KLF13: variants seen among roughly 807,000 people sequenced by gnomAD.
KLF13 encodes KLF transcription factor 13, also known as Krueppel-like factor 13.
In KLF13, 8 loss-of-function variants were observed where a neutral mutation model predicts 16.7. The ratio of observed to expected loss-of-function variants is 0.48; its 90% CI spans 0.28 to 0.87. KLF13 has a LOEUF of 0.87. Ranked by LOEUF, KLF13 falls within the 40% of genes least tolerant of loss-of-function variation. The pLI is 0.10. For synonymous variants in KLF13, 245 were observed against 208.4 expected (o/e 1.18, Z -1.51); for missense variants, 447 against 452.2 (o/e 0.99, Z 0.10).
chr15:31,420,407 C>A, intron 1 of KLF13: 2 of 1,127,240 alleles, frequency 1.8e-6, no homozygotes, highest in Non-Finnish European at 1.3e-6. Flanking sequence ...TTACAATGAG[C>A]CCACAGTGAA....
At chr15:31,345,868 G>A (rs758748989) in intron 1 of KLF13, among the ~76,000 whole-genome samples, 1 of 152,130 alleles carries the variant, frequency 6.6e-6, no homozygotes, top group South Asian at 2.1e-4. Flanking sequence ...ATGACCTTCT[G>A]GGGAGGGCTG....
At chr15:31,328,209 C>T (rs1400174962) in intron 1 of KLF13, among the ~76,000 whole-genome samples, 1 of 150,760 alleles carries the variant, frequency 6.6e-6, no homozygotes, top group Non-Finnish European at 1.5e-5. Flanking sequence ...TCCGGGGTCC[C>T]TCCTCGTTTC....
chr15:31,391,109 TG>T (rs1322401746), upstream of KLF13, among the ~76,000 whole-genome samples: 1 of 7,564 alleles, frequency 1.3e-4, no homozygotes, highest in African/African-American at 6.0e-4. Context: ...TGGGGGAGTG[TG>T]GGGGGGCTGT....
intron 1 of KLF13, chr15:31,420,632 C>A: frequency 5.0e-6 from 2 of 403,050 alleles, no homozygotes; most frequent in South Asian, 4.2e-5. Flanking sequence ...GAAACCTATT[C>A]AAAGCAGGTT....
intron 1 of KLF13, among the ~76,000 whole-genome samples, chr15:31,434,758 C>T (rs2040510100): frequency 6.6e-6 from 1 of 152,202 alleles, no homozygotes; most frequent in Admixed American, 6.5e-5. Flanking sequence ...GTGGATTGGG[C>T]AGCAGCCCAC....
intron 1 of KLF13, among the ~76,000 whole-genome samples, chr15:31,344,855 T>C (rs1425008073): frequency 2.0e-5 from 3 of 152,170 alleles, no homozygotes; most frequent in Admixed American, 2.0e-4. Flanking sequence ...GGATCCTCCC[T>C]GGGTCCCCCA....
At chr15:31,347,548 TCTGCCTTG>T (rs2039143538) in intron 1 of KLF13, among the ~76,000 whole-genome samples, 2 of 152,166 alleles carry the variant, frequency 1.3e-5, no homozygotes, top group African/African-American at 4.8e-5. Flanking sequence ...AGGAGGTGAC[TCTGCCTTG>T]GAGGTGCTGC....
intron 2 of KLF13, among the ~76,000 whole-genome samples, chr15:31,397,268 G>T (rs888657153): frequency 5.9e-5 from 9 of 151,924 alleles, no homozygotes; most frequent in Non-Finnish European, 1.3e-4. Context: ...GGCAGGGCAG[G>T]GGTGCACGTG....
At chr15:31,364,062 T>G (rs1195635025) in intron 1 of KLF13, among the ~76,000 whole-genome samples, 1 of 152,008 alleles carries the variant, frequency 6.6e-6, no homozygotes, top group Non-Finnish European at 1.5e-5. Context: ...AATTCTGCCA[T>G]TTCTGCTGGG....
Position 31,376,873 on chromosome 15 carries a change from A to T in KLF13, c.*4574A>T, listed in dbSNP as rs2039655391. ...GCCCTGCCCTGCCTCTCTCTTTCTC[A>T]TACAGCTTTAAAACTTTACTACTTT... On this transcript the variant is annotated 3_prime_UTR_variant, in exon 2 of 2. Coordinates refer to ENST00000307145, the MANE Select transcript of KLF13 (RefSeq NM_015995.4). The T allele has an allele frequency of 6.6e-6, 1 of 152,244 alleles. No individual in the cohort carries two copies. 9.4% of individuals were successfully genotyped at this position (152,244 alleles called of 1,614,324 possible). A position where few individuals can be genotyped will look rare whatever the true frequency, so the allele number is the denominator to read the frequency against.
intron 1 of KLF13, among the ~76,000 whole-genome samples, chr15:31,338,342 A>AT (rs2038965109): frequency 6.6e-6 from 1 of 152,218 alleles, no homozygotes; most frequent in Admixed American, 6.5e-5. Context: ...ATATGCCCGT[A>AT]TTTGCAGCAT....
chr15:31,349,430 G>A (rs16956707), intron 1 of KLF13, among the ~76,000 whole-genome samples: 8,790 of 152,320 alleles, frequency 0.058, 333 homozygotes, highest in East Asian at 0.13. Context: ...CAGCAGCGCT[G>A]TCTTCGATGG....
chr15:31,368,293 T>C (rs1289802276), intron 1 of KLF13, among the ~76,000 whole-genome samples: 1 of 152,216 alleles, frequency 6.6e-6, no homozygotes, highest in African/African-American at 2.4e-5. Flanking sequence ...CTGTCAGACC[T>C]GACATGGTTA....
rs2039604553 is a variant in KLF13, at chr15:31,374,131, T to C, written c.*1832T>C. 1 of 152,696 alleles carries C rather than the reference T, an allele frequency of 6.5e-6. No individual in the cohort carries two copies. Among genetic ancestry groups the C allele is most frequent in the African/African-American group, 2.4e-5 (1 of 41,446 alleles). 9.5% of individuals were successfully genotyped at this position (152,696 alleles called of 1,614,324 possible). Reference sequence around the variant, plus strand: ...TGCCCACAGCTGATGGTCACTGTTTTGGCTGGCTCCAGAGTGGACAGGTAC... The same window carrying C: ...TGCCCACAGCTGATGGTCACTGTTTCGGCTGGCTCCAGAGTGGACAGGTAC... On this transcript the variant is annotated 3_prime_UTR_variant, in exon 2 of 2. Transcript: ENST00000307145.
chr15:31,382,359 T>TC (rs2039736962), downstream of KLF13, among the ~76,000 whole-genome samples: 1 of 152,138 alleles, frequency 6.6e-6, no homozygotes, highest in African/African-American at 2.4e-5. Flanking sequence ...GGTACGAGGC[T>TC]CAGAGGGTTG....
chr15:31,412,461 A>G (rs556024013), intron 1 of KLF13, among the ~76,000 whole-genome samples: 1 of 152,108 alleles, frequency 6.6e-6, no homozygotes, highest in Non-Finnish European at 1.5e-5. Flanking sequence ...GAAAAGTCCA[A>G]AAAAAAACCA....
intron 1 of KLF13, among the ~76,000 whole-genome samples, chr15:31,359,912 C>T (rs1370456418): frequency 6.6e-6 from 1 of 152,206 alleles, no homozygotes; most frequent in Non-Finnish European, 1.5e-5. Flanking sequence ...GAGCGCTGAG[C>T]CCTCCACCCC....
chr15:31,347,758 T>C (rs888487830), intron 1 of KLF13, among the ~76,000 whole-genome samples: 14 of 152,196 alleles, frequency 9.2e-5, no homozygotes, highest in Non-Finnish European at 2.1e-4. Flanking sequence ...GGCCCCAACC[T>C]CTTCTGTCTG....
intron 1 of KLF13, among the ~76,000 whole-genome samples, chr15:31,346,647 C>CA (rs1192229378): frequency 6.6e-6 from 1 of 152,266 alleles, no homozygotes; most frequent in East Asian, 1.9e-4. Flanking sequence ...TGTCACACAG[C>CA]AGCCTTCACT....
Sources: allele counts gnomAD v4.1 joint callset (sites outside exome capture counted in the v4.1 genomes callset), GRCh38; gene constraint gnomAD v4.1.1; transcripts MANE v1.5; gene names NCBI Gene and HGNC (gene_info 2026-07-23, HGNC 2026-07-21).